SPTLC2: variants seen among roughly 807,000 people sequenced by gnomAD.
The protein encoded by SPTLC2 is serine palmitoyltransferase long chain base subunit 2, also known as serine palmitoyltransferase 2.
Under a neutral mutation model 62.0 loss-of-function variants are expected in SPTLC2, and 21 were observed. The observed-to-expected ratio is 0.34, with a 90% CI of 0.24 to 0.49. The LOEUF is 0.49. Among genes scored for constraint, SPTLC2 ranks in the 20% least tolerant of loss-of-function variants. The pLI is 0.99. For missense variants in SPTLC2, 511 were observed against 713.0 expected (o/e 0.72, Z 3.23); for synonymous variants, 261 against 261.8 (o/e 1.00, Z 0.03).
At chr14:77,558,497 T>G (rs899639165) in intron 6 of SPTLC2, among the ~76,000 whole-genome samples, 1 of 152,148 alleles carries the variant, frequency 6.6e-6, no homozygotes, top group African/African-American at 2.4e-5. Context: ...TAAGATAGTC[T>G]AAGGTTGTGA....
intron 1 of SPTLC2, among the ~76,000 whole-genome samples, chr14:77,615,825 G>A (rs776503864): frequency 1.3e-4 from 20 of 152,234 alleles, no homozygotes; most frequent in Non-Finnish European, 2.2e-4. Context: ...CCAACCTGGA[G>A]CCTGGGGTAG....
Position 77,508,631 on chromosome 14 carries a change from A to C in SPTLC2, c.*3653T>G, listed in dbSNP as rs1392751297. ...GGAAATCTCTCCATGGAAGCCACTCATCCCCCTGGTTTTCACCAATAAGAA... is the reference window on the plus strand; with the variant it reads ...GGAAATCTCTCCATGGAAGCCACTCCTCCCCCTGGTTTTCACCAATAAGAA... On this transcript the variant is annotated 3_prime_UTR_variant, in exon 12 of 12. Transcript: ENST00000216484. 1 of 152,238 alleles carries C rather than the reference A, an allele frequency of 6.6e-6. No individual in the cohort carries two copies. The highest frequency in any genetic ancestry group is 2.4e-5 in the African/African-American group (1 of 41,470). 9.4% of individuals were successfully genotyped at this position (152,238 alleles called of 1,614,324 possible).
chr14:77,587,623 C>T (rs555483980), intron 2 of SPTLC2, among the ~76,000 whole-genome samples: 4 of 151,894 alleles, frequency 2.6e-5, no homozygotes, highest in South Asian at 2.1e-4. Context: ...AAAAATTAAC[C>T]GGGTGTGGTG....
intron 1 of SPTLC2, among the ~76,000 whole-genome samples, chr14:77,605,177 T>A (rs1271594938): frequency 1.3e-5 from 2 of 151,012 alleles, no homozygotes; most frequent in African/African-American, 4.9e-5. Flanking sequence ...CCATACCTGG[T>A]TAATTTTTTT....
intron 3 of SPTLC2, among the ~76,000 whole-genome samples, chr14:77,577,699 A>G (rs912373779): frequency 1.3e-5 from 2 of 152,290 alleles, no homozygotes. Context: ...GGAGATTGAG[A>G]CCATCCTGAC....
chr14:77,599,799 A>T (rs2079867561), intron 1 of SPTLC2, among the ~76,000 whole-genome samples: 1 of 152,256 alleles, frequency 6.6e-6, no homozygotes, highest in Non-Finnish European at 1.5e-5. Context: ...AAAATTAACA[A>T]CATAACAATA....
intron 9 of SPTLC2, among the ~76,000 whole-genome samples, chr14:77,522,674 T>C (rs190337552): frequency 9.8e-5 from 15 of 152,318 alleles, no homozygotes; most frequent in Middle Eastern, 3.4e-3. Context: ...TGTTCTGTTA[T>C]ACAGAGCAAA....
chr14:77,568,590 T>C (rs917416004), intron 5 of SPTLC2, among the ~76,000 whole-genome samples: 1 of 151,988 alleles, frequency 6.6e-6, no homozygotes, highest in Non-Finnish European at 1.5e-5. Flanking sequence ...AGGCAGATCA[T>C]GAGGTCAGGA....
chr14:77,592,336 C>T (rs2079822630), intron 2 of SPTLC2, among the ~76,000 whole-genome samples: 2 of 150,996 alleles, frequency 1.3e-5, no homozygotes, highest in South Asian at 2.1e-4. Flanking sequence ...GGTTTCATCA[C>T]GTTGGCCAGG....
At chr14:77,548,191 G>A (rs1189263690) in intron 9 of SPTLC2, among the ~76,000 whole-genome samples, 1 of 152,020 alleles carries the variant, frequency 6.6e-6, no homozygotes, top group Non-Finnish European at 1.5e-5. Flanking sequence ...TCCATAATTT[G>A]GTCATTCTGG....
At chr14:77,614,885 C>T (rs528650130) in intron 1 of SPTLC2, among the ~76,000 whole-genome samples, 1 of 145,628 alleles carries the variant, frequency 6.9e-6, no homozygotes, top group African/African-American at 2.5e-5. Flanking sequence ...GCAGGAGAAT[C>T]GCTTGAACCC....
At chr14:77,551,928 A>G (rs2079557667) in intron 9 of SPTLC2, among the ~76,000 whole-genome samples, 168 bp downstream of exon 9, 1 of 152,246 alleles carries the variant, frequency 6.6e-6, no homozygotes, top group Non-Finnish European at 1.5e-5. Flanking sequence ...GGTCGTTCTC[A>G]TGGCATATGT....
Position 77,512,184 on chromosome 14 carries a change from CGTGAGATGGCCACAGA to C in SPTLC2, c.*84_*99del. ...TCAGTAGCTGAGGCAATGTCTTTCACGTGAGATGGCCACAGAAGTGTGGTTCCTGGAACTGGCTCAC... is the reference window on the plus strand; with the variant it reads ...TCAGTAGCTGAGGCAATGTCTTTCACAGTGTGGTTCCTGGAACTGGCTCAC... On this transcript the variant is annotated 3_prime_UTR_variant, in exon 12 of 12. Transcript: ENST00000216484. 1 of 1,566,552 alleles carries C rather than the reference CGTGAGATGGCCACAGA, an allele frequency of 6.4e-7. No individual in the cohort carries two copies. Among genetic ancestry groups the C allele is most frequent in the South Asian group, 1.1e-5 (1 of 89,524 alleles).
chr14:77,544,021 A>ATTTTT (rs2079515482), intron 9 of SPTLC2, among the ~76,000 whole-genome samples: 1 of 151,950 alleles, frequency 6.6e-6, no homozygotes, highest in South Asian at 2.1e-4. Context: ...ATTGTCAAAA[A>ATTTTT]GACAATCCTC....
chr14:77,536,261 T>A lies in SPTLC2; in HGVS notation c.1304-14680A>T, dbSNP rs562488244. ...CTGGATGTATGTAATGCCACTGAATTGTACCGAAAAATGATTAATTTTGTT... is the reference window on the plus strand; with the variant it reads ...CTGGATGTATGTAATGCCACTGAATAGTACCGAAAAATGATTAATTTTGTT... On this transcript the variant is annotated intron_variant, in intron 9 of 11. Coordinates refer to ENST00000216484, the MANE Select transcript of SPTLC2 (RefSeq NM_004863.4). 5.5e-5 allele frequency among the ~76,000 whole-genome samples: 8 copies of A among 146,128 alleles called. No individual in the cohort carries two copies. In the South Asian group the frequency reaches 1.1e-3, roughly 20 times the overall value.
intron 2 of SPTLC2, among the ~76,000 whole-genome samples, chr14:77,584,965 C>T (rs2079773158): frequency 6.6e-6 from 1 of 152,254 alleles, no homozygotes; most frequent in Non-Finnish European, 1.5e-5. Flanking sequence ...CCCTGCAGAC[C>T]TCAGTGCTGG....
chr14:77,571,575 A>G (rs1334703107), intron 4 of SPTLC2, among the ~76,000 whole-genome samples: 1 of 151,636 alleles, frequency 6.6e-6, no homozygotes, highest in African/African-American at 2.4e-5. Context: ...CCGCAATTTT[A>G]TATTGGTACT....
At chr14:77,602,995 A>T (rs1390611928) in intron 1 of SPTLC2, among the ~76,000 whole-genome samples, 2 of 152,212 alleles carry the variant, frequency 1.3e-5, no homozygotes, top group Non-Finnish European at 2.9e-5. Context: ...TTTAAAAATA[A>T]TTAAAATAAA....
chr14:77,534,178 T>TCACA lies in SPTLC2; in HGVS notation c.1304-12601_1304-12598dup, dbSNP rs199819444. On this transcript the variant is annotated intron_variant, in intron 9 of 11. Coordinates refer to ENST00000216484, the MANE Select transcript of SPTLC2 (RefSeq NM_004863.4). ...GTCTCTCTCTCTTTCTCTCTCTCTC[T>TCACA]CACACACACACACACACACACACAC... Among the ~76,000 whole-genome samples the TCACA allele has an allele frequency of 2.5e-3, 288 of 114,988 alleles. 2 individuals are homozygous for TCACA. Among genetic ancestry groups the TCACA allele is most frequent in the African/African-American group, 9.7e-3 (268 of 27,612 alleles). The allele number at this position is 114,988 out of a possible 152,430, so 75.4% of individuals were successfully genotyped here.
Sources: allele counts gnomAD v4.1 joint callset (sites outside exome capture counted in the v4.1 genomes callset), GRCh38; gene constraint gnomAD v4.1.1; transcripts MANE v1.5; gene names NCBI Gene and HGNC (gene_info 2026-07-23, HGNC 2026-07-21).